MYO16: variants seen among roughly 807,000 people sequenced by gnomAD.
MYO16 encodes the protein myosin XVI.
A neutral mutation model predicts 205.3 loss-of-function variants in MYO16; 94 were observed. The ratio of observed to expected loss-of-function variants is 0.46; its 90% confidence interval spans 0.39 to 0.54. The LOEUF (loss-of-function observed/expected upper bound fraction) is 0.54. Ranked by LOEUF, MYO16 falls within the 20% of genes least tolerant of loss-of-function variation. The probability of loss-of-function intolerance (pLI) is 0.00; values close to 1 mark genes in which losing one functional copy is unlikely to be tolerated. For missense variants in MYO16, 2,315 were observed against 2,387.5 expected, an observed-to-expected ratio of 0.97 and a Z score of 0.63; for synonymous variants, 988 against 954.0, an observed-to-expected ratio of 1.04 and a Z score of -0.66.
intron 27 of MYO16, among the ~76,000 whole-genome samples, chr13:109,090,923 C>T (rs547277983): frequency 1.8e-4 from 27 of 152,294 alleles, no homozygotes; most frequent in African/African-American, 6.3e-4. Context: ...TCTCTCAAGC[C>T]CACTTGTGCT....
chr13:109,089,957 T>A (rs561682705), intron 27 of MYO16, among the ~76,000 whole-genome samples: 1 of 152,358 alleles, frequency 6.6e-6, no homozygotes, highest in African/African-American at 2.4e-5. Flanking sequence ...CTCCTGGGGC[T>A]GCGAGGCAGC....
chr13:108,811,786 G>A (rs1887301544), intron 7 of MYO16, among the ~76,000 whole-genome samples: 1 of 152,066 alleles, frequency 6.6e-6, no homozygotes, highest in South Asian at 2.1e-4. Flanking sequence ...CAGGACACTA[G>A]CATCTCTACA....
At chr13:108,933,408 T>C (rs1301603316) in intron 16 of MYO16, among the ~76,000 whole-genome samples, 2 of 152,164 alleles carry the variant, frequency 1.3e-5, no homozygotes, top group African/African-American at 4.8e-5. Context: ...AAGCTCTTTG[T>C]TTCTCTTCAT....
At chr13:109,048,352 T>C in intron 24 of MYO16, 4 of 760,212 alleles carry the variant, frequency 5.3e-6, no homozygotes, top group South Asian at 2.8e-5. Context: ...AAGGTGCTTC[T>C]GAGCAAAAGG....
chr13:108,973,569 C>T (rs1451680070), intron 20 of MYO16, among the ~76,000 whole-genome samples: 1 of 152,086 alleles, frequency 6.6e-6, no homozygotes, highest in Non-Finnish European at 1.5e-5. Flanking sequence ...CCCTGTGTCC[C>T]CAAGTCCGAC....
the MYO16 span, among the ~76,000 whole-genome samples, chr13:108,566,493 A>G: frequency 6.6e-6 from 1 of 151,020 alleles, no homozygotes; most frequent in Non-Finnish European, 1.5e-5. Context: ...TTAGCCAGGC[A>G]TGGTGGTGGG....
intron 33 of MYO16, among the ~76,000 whole-genome samples, chr13:109,176,603 A>AAAAAAAAAAAAAAACT (rs1210061351): frequency 7.0e-6 from 1 of 142,676 alleles, no homozygotes; most frequent in Admixed American, 7.0e-5. Context: ...AAAAAAAAAG[A>AAAAAAAAAAAAAAACT]CCTCCTTTGC....
At chr13:108,947,507 AG>A (rs1882983404) in intron 16 of MYO16, among the ~76,000 whole-genome samples, 1 of 152,204 alleles carries the variant, frequency 6.6e-6, no homozygotes. Context: ...CTGAGCAAAA[AG>A]GTATTTTTCT....
At chr13:108,650,758 T>C (rs1244764638) in intron 1 of MYO16, among the ~76,000 whole-genome samples, 1 of 152,176 alleles carries the variant, frequency 6.6e-6, no homozygotes, top group Non-Finnish European at 1.5e-5. Flanking sequence ...CTCTTACATC[T>C]TGAAGACGCT....
intron 23 of MYO16, among the ~76,000 whole-genome samples, chr13:109,022,711 A>G (rs1410088369): frequency 5.2e-5 from 5 of 95,800 alleles, no homozygotes; most frequent in African/African-American, 7.0e-5. Context: ...TATATTATAT[A>G]TACGCATATA....
At chr13:108,920,595 A>G (rs1344052941) in intron 16 of MYO16, among the ~76,000 whole-genome samples, 1 of 152,136 alleles carries the variant, frequency 6.6e-6, no homozygotes, top group African/African-American at 2.4e-5. Context: ...AGTAGCTGGG[A>G]TTACAGGTGC....
intron 9 of MYO16, among the ~76,000 whole-genome samples, chr13:108,841,965 C>T (rs1877263910): frequency 6.6e-6 from 1 of 151,800 alleles, no homozygotes; most frequent in South Asian, 2.1e-4. Context: ...TGCCAAGACC[C>T]AATAGGGAAA....
At chr13:108,698,140 A>G (rs139627951) in intron 2 of MYO16, among the ~76,000 whole-genome samples, 4 of 152,160 alleles carry the variant, frequency 2.6e-5, no homozygotes, top group African/African-American at 4.8e-5. Flanking sequence ...TAATTAAGTA[A>G]CTAGTCTCTG....
intron 4 of MYO16, among the ~76,000 whole-genome samples, chr13:108,742,847 GGAACAATGGACTT>G (rs1427024354): frequency 1.6e-4 from 24 of 152,180 alleles, no homozygotes. Context: ...TGCTGAGAGA[GGAACAATGGACTT>G]TTCTTTGCTA....
intron 4 of MYO16, among the ~76,000 whole-genome samples, chr13:108,771,397 C>G (rs1045295545): frequency 6.6e-6 from 1 of 152,160 alleles, no homozygotes; most frequent in Non-Finnish European, 1.5e-5. Flanking sequence ...AAATTTCACA[C>G]GTGCTCCCTG....
At chr13:109,156,825 G>T (rs1159348986) in intron 32 of MYO16, among the ~76,000 whole-genome samples, 2 of 152,096 alleles carry the variant, frequency 1.3e-5, no homozygotes, top group Non-Finnish European at 2.9e-5. Flanking sequence ...GCAGTCACCT[G>T]GGCGTCCCCT....
intron 23 of MYO16, among the ~76,000 whole-genome samples, chr13:109,043,421 G>A (rs993861436): frequency 8.6e-5 from 13 of 151,828 alleles, no homozygotes; most frequent in African/African-American, 2.4e-4. Context: ...GTGCGTGTGT[G>A]TTTCATTTGA....
At chr13:108,929,278 C>T (rs1374047135) in intron 16 of MYO16, among the ~76,000 whole-genome samples, 1 of 152,126 alleles carries the variant, frequency 6.6e-6, no homozygotes, top group East Asian at 1.9e-4. Context: ...ATCCATGGTT[C>T]CTTTTCCAGA....
At chr13:108,607,628 C>T (rs1361462393) in intron 1 of MYO16, among the ~76,000 whole-genome samples, 1 of 152,120 alleles carries the variant, frequency 6.6e-6, no homozygotes, top group African/African-American at 2.4e-5. Context: ...TTGGGTATGT[C>T]TTCATAGCAG....
Sources: allele counts gnomAD v4.1 joint callset (sites outside exome capture counted in the v4.1 genomes callset), GRCh38; gene constraint gnomAD v4.1.1; transcripts MANE v1.5; gene names NCBI Gene and HGNC (gene_info 2026-07-23, HGNC 2026-07-21).